The following DORIP1 variants were observed in gnomAD, a reference collection of about 807,000 sequenced individuals.
The protein encoded by DORIP1 is dopamine receptor interacting protein 1.
the DORIP1 span, among the ~76,000 whole-genome samples, chr14:44,897,776 G>T: frequency 3.3e-5 from 5 of 152,182 alleles, no homozygotes; most frequent in African/African-American, 7.2e-5. Context: ...GGCTGCCCAG[G>T]GCCAGGGTGG....
At chr14:44,903,610 A>G in the DORIP1 span, 6 of 1,012,464 alleles carry the variant, frequency 5.9e-6, no homozygotes, top group Non-Finnish European at 5.9e-6. Context: ...TTTAGGAGAA[A>G]GAGGTAAATG....
the DORIP1 span, among the ~76,000 whole-genome samples, chr14:44,897,965 C>T: frequency 1.8e-4 from 28 of 152,312 alleles, no homozygotes; most frequent in African/African-American, 6.3e-4. Flanking sequence ...CGTTCAATGC[C>T]TTGGGCATGT....
At chr14:44,902,076 A>AT in the DORIP1 span, among the ~76,000 whole-genome samples, 14 of 152,218 alleles carry the variant, frequency 9.2e-5, no homozygotes, top group African/African-American at 2.9e-4. Flanking sequence ...TGTATATCAC[A>AT]TACCCTAATT....
chr14:44,898,866 C>G, the DORIP1 span: 3 of 152,188 alleles, frequency 2.0e-5, no homozygotes, highest in African/African-American at 7.2e-5. Context: ...TTTTTACTCG[C>G]GTTGCAGAAT....
At chr14:44,903,713 A>G in the DORIP1 span, 1 of 965,118 alleles carries the variant, frequency 1.0e-6, no homozygotes, top group Non-Finnish European at 1.2e-6. Context: ...TTATTGTATA[A>G]TGAGAATTAA....
At chr14:44,904,011 A>G in the DORIP1 span, 1 of 981,742 alleles carries the variant, frequency 1.0e-6, no homozygotes, top group African/African-American at 1.7e-5. Context: ...GTTCATGCTT[A>G]TAGTCGAGTC....
chr14:44,904,014 G>C, the DORIP1 span: 1 of 982,262 alleles, frequency 1.0e-6, no homozygotes, highest in Non-Finnish European at 1.2e-6. Flanking sequence ...CATGCTTATA[G>C]TCGAGTCTAA....
the DORIP1 span, chr14:44,898,965 G>A: frequency 1.3e-5 from 2 of 152,182 alleles, no homozygotes; most frequent in South Asian, 2.1e-4. Flanking sequence ...GGAGGATGCA[G>A]CACTTGGAAA....
At chr14:44,899,504 T>G in the DORIP1 span, among the ~76,000 whole-genome samples, 1 of 152,198 alleles carries the variant, frequency 6.6e-6, no homozygotes, top group South Asian at 2.1e-4. Context: ...TTGATTTTCA[T>G]GATTACTCCT....
At chr14:44,900,344 T>G in the DORIP1 span, 1 of 1,195,350 alleles carries the variant, frequency 8.4e-7, no homozygotes, top group South Asian at 2.4e-5. Context: ...ATTTGAGTCT[T>G]TAGATGGATT....
the DORIP1 span, among the ~76,000 whole-genome samples, chr14:44,901,162 G>A: frequency 6.6e-6 from 1 of 152,138 alleles, no homozygotes; most frequent in African/African-American, 2.4e-5. Context: ...ATTGCCTACA[G>A]AATTAAGTAT....
the DORIP1 span, chr14:44,900,904 A>C: frequency 6.2e-7 from 1 of 1,611,570 alleles, no homozygotes; most frequent in Non-Finnish European, 8.5e-7. Context: ...TTACTGTTCC[A>C]ACTGGCGATG....
At chr14:44,904,012 TAGTCG>T in the DORIP1 span, 3 of 981,746 alleles carry the variant, frequency 3.1e-6, no homozygotes, top group Non-Finnish European at 3.6e-6. Flanking sequence ...TTCATGCTTA[TAGTCG>T]AGTCTAATGG....
chr14:44,904,473 T>C, the DORIP1 span: 137 of 1,612,230 alleles, frequency 8.5e-5, 2 homozygotes, highest in East Asian at 1.9e-3. Flanking sequence ...ATATGCAACA[T>C]TGGAAATCTG....
the DORIP1 span, chr14:44,904,228 A>G: frequency 2.0e-6 from 2 of 985,362 alleles, no homozygotes; most frequent in East Asian, 2.3e-4. Context: ...TTCTGGAACT[A>G]TTAGGTGATA....
chr14:44,904,470 A>G, the DORIP1 span: 31 of 1,612,436 alleles, frequency 1.9e-5, no homozygotes, highest in Admixed American at 3.7e-4. Context: ...TAAATATGCA[A>G]CATTGGAAAT....
the DORIP1 span, chr14:44,903,289 G>C: frequency 1.2e-6 from 2 of 1,610,798 alleles, no homozygotes; most frequent in East Asian, 4.5e-5. Context: ...ACTGTGTGAA[G>C]AGCATGGGTG....
chr14:44,901,118 G>T, the DORIP1 span, among the ~76,000 whole-genome samples: 2 of 152,092 alleles, frequency 1.3e-5, no homozygotes, highest in African/African-American at 2.4e-5. Flanking sequence ...ACCTTTCTAT[G>T]TTTAGGTACA....
chr14:44,905,669 T>A, the DORIP1 span: 2 of 695,128 alleles, frequency 2.9e-6, no homozygotes, highest in Non-Finnish European at 4.3e-6. Context: ...GTTTCAGAAG[T>A]GTATTTTCAG....
Sources: gnomAD v4.1 joint callset for allele counts (sites outside exome capture counted in the v4.1 genomes callset) on GRCh38, gnomAD v4.1.1 for gene constraint, MANE v1.5 for transcripts, NCBI Gene and HGNC (gene_info 2026-07-23, HGNC 2026-07-21) for gene names.